Variants in UBAC2 observed in about 807,000 individuals in gnomAD.
UBAC2 encodes the protein ubiquitin-associated domain-containing protein 2.
Under a neutral mutation model 44.0 loss-of-function variants are expected in UBAC2, and 26 were observed. That is an observed-to-expected ratio of 0.59 (90% CI 0.43 to 0.82). UBAC2 has a LOEUF of 0.82. Ranked by LOEUF, UBAC2 falls within the 40% of genes least tolerant of loss-of-function variation. UBAC2 has a pLI of 0.00. For missense variants in UBAC2, 329 were observed against 419.4 expected (o/e 0.78, Z 1.88); for synonymous variants, 155 against 154.3 (o/e 1.00, Z -0.04).
At chr13:99,209,833 C>T (rs1436435925) in intron 1 of UBAC2, among the ~76,000 whole-genome samples, 5 of 152,174 alleles carry the variant, frequency 3.3e-5, no homozygotes, top group Middle Eastern at 3.4e-3. Context: ...ATTAACTGGG[C>T]GTGGTGGTTG....
chr13:99,366,487 C>T (rs1301106292), intron 7 of UBAC2, among the ~76,000 whole-genome samples: 1 of 152,140 alleles, frequency 6.6e-6, no homozygotes, highest in Non-Finnish European at 1.5e-5. Context: ...CTTTATGTAA[C>T]TTTTTTGATG....
chr13:99,339,481 A>G (rs2044851356), intron 6 of UBAC2, among the ~76,000 whole-genome samples: 1 of 152,182 alleles, frequency 6.6e-6, no homozygotes, highest in Non-Finnish European at 1.5e-5. Context: ...AAGTTCCCAG[A>G]ACAGTGCCTG....
intron 8 of UBAC2, among the ~76,000 whole-genome samples, chr13:99,384,078 A>G (rs1242302823): frequency 6.6e-6 from 1 of 152,134 alleles, no homozygotes. Context: ...ACCCCATGCC[A>G]TAGTCCCCAT....
intron 1 of UBAC2, among the ~76,000 whole-genome samples, chr13:99,220,775 T>C (rs935928133): frequency 6.6e-5 from 10 of 152,118 alleles, no homozygotes; most frequent in African/African-American, 2.4e-4. Flanking sequence ...CGAAGATTAC[T>C]AGTGACTTGC....
chr13:99,354,506 G>A (rs549559632), intron 7 of UBAC2, among the ~76,000 whole-genome samples: 1 of 152,322 alleles, frequency 6.6e-6, no homozygotes, highest in East Asian at 1.9e-4. Context: ...TGGAAGTTCA[G>A]CAGAGCAGGG....
intron 6 of UBAC2, among the ~76,000 whole-genome samples, chr13:99,339,073 A>G (rs1203983177): frequency 6.6e-6 from 1 of 151,706 alleles, no homozygotes; most frequent in Non-Finnish European, 1.5e-5. Flanking sequence ...ATATCCAGTG[A>G]CTCTGAAATC....
intron 7 of UBAC2, among the ~76,000 whole-genome samples, chr13:99,366,370 C>G (rs1484514194): frequency 6.6e-6 from 1 of 152,180 alleles, no homozygotes; most frequent in Admixed American, 6.5e-5. Context: ...CCCACTGGAG[C>G]TTTAACTATA....
Position 99,200,955 on chromosome 13 carries a change from C to A in UBAC2, c.31+16C>A. 7.7e-7 allele frequency: 1 copy of A among 1,306,204 alleles called. No homozygotes were observed. The highest frequency in any genetic ancestry group is 3.0e-5 in the South Asian group (1 of 32,802). 80.9% of individuals were successfully genotyped at this position (1,306,204 alleles called of 1,614,324 possible). A position where few individuals can be genotyped will look rare whatever the true frequency, so the allele number is the denominator to read the frequency against. ...AGTGGGCTCTGTGAGTACCGGCCTCCGCCATCCTGGCTGCCCCCTACACGC... is the reference window on the plus strand; with the variant it reads ...AGTGGGCTCTGTGAGTACCGGCCTCAGCCATCCTGGCTGCCCCCTACACGC... On this transcript the variant is annotated intron_variant, in intron 1 of 8. Coordinates refer to ENST00000403766, the MANE Select transcript of UBAC2 (RefSeq NM_001144072.2).
intron 1 of UBAC2, among the ~76,000 whole-genome samples, chr13:99,207,171 T>TG (rs1349597747): frequency 1.3e-5 from 2 of 152,212 alleles, no homozygotes; most frequent in Non-Finnish European, 2.9e-5. Flanking sequence ...TGCGTTGACC[T>TG]GGGGGTTGCA....
chr13:99,242,432 A>T (rs1236414087), intron 2 of UBAC2, among the ~76,000 whole-genome samples: 7 of 137,184 alleles, frequency 5.1e-5, no homozygotes, highest in African/African-American at 1.9e-4. Flanking sequence ...CACCTCCCAG[A>T]CGGGGCGGCT....
At chr13:99,212,848 C>T (rs2042949850) in intron 1 of UBAC2, among the ~76,000 whole-genome samples, 1 of 152,220 alleles carries the variant, frequency 6.6e-6, no homozygotes, top group African/African-American at 2.4e-5. Context: ...AATGAATTCA[C>T]TCCATGTCAT....
chr13:99,341,354 G>A (rs2044883400), intron 7 of UBAC2, among the ~76,000 whole-genome samples: 2 of 147,700 alleles, frequency 1.4e-5, no homozygotes, highest in Non-Finnish European at 3.0e-5. Flanking sequence ...ATGGTTTGGA[G>A]AAGTGAAATC....
intron 4 of UBAC2, among the ~76,000 whole-genome samples, chr13:99,282,947 G>GTGCTTTTT (rs2043973365): frequency 1.3e-5 from 2 of 152,104 alleles, no homozygotes; most frequent in African/African-American, 4.8e-5. Context: ...TTTGTTATCT[G>GTGCTTTTT]AACTAAAGGA....
At chr13:99,268,882 C>T (rs2043780664) in intron 4 of UBAC2, among the ~76,000 whole-genome samples, 1 of 151,948 alleles carries the variant, frequency 6.6e-6, no homozygotes, top group South Asian at 2.1e-4. Flanking sequence ...ATGGGAGAAA[C>T]AGGTGGAGAA....
chr13:99,295,363 A>G lies in UBAC2; in HGVS notation c.390-18734A>G. On this transcript the variant is annotated intron_variant, in intron 4 of 8. Transcript: ENST00000403766. This position sits in a 1 kb window ranked among gnomAD's most constrained non-coding sequence, Gnocchi z 4.1. ...TAATCATATGTTGAATAATTGCAAC[A>G]TGGTAAGGTGTGAAACAGAGAACAA... is the stretch of plus-strand genomic sequence containing the variant. 5 of 1,614,136 alleles carry G rather than the reference A, an allele frequency of 3.1e-6. No individual in the cohort carries two copies. Among genetic ancestry groups the G allele is most frequent in the Non-Finnish European group, 4.2e-6 (5 of 1,179,990 alleles).
chr13:99,209,280 C>A (rs1008931482), intron 1 of UBAC2, among the ~76,000 whole-genome samples: 4 of 152,220 alleles, frequency 2.6e-5, no homozygotes, highest in Non-Finnish European at 1.5e-5. Flanking sequence ...CCCCCTCCTC[C>A]TGTCCTGTCT....
intron 4 of UBAC2, among the ~76,000 whole-genome samples, chr13:99,251,450 C>T (rs2043457018): frequency 6.6e-6 from 1 of 152,306 alleles, no homozygotes; most frequent in South Asian, 2.1e-4. Flanking sequence ...ATCCCTTCTT[C>T]TCTACTTCTA....
chr13:99,370,165 GT>G (rs1370693643), intron 8 of UBAC2, among the ~76,000 whole-genome samples: 1 of 152,228 alleles, frequency 6.6e-6, no homozygotes, highest in African/African-American at 2.4e-5. Flanking sequence ...GAATATTCTT[GT>G]TCTTAGAAAA....
intron 5 of UBAC2, 54 bp downstream of exon 5, chr13:99,314,274 T>TA: frequency 6.5e-7 from 1 of 1,537,298 alleles, no homozygotes; most frequent in Non-Finnish European, 8.7e-7. Context: ...TTTTTTTTTT[T>TA]TTTTTTGGTC....
Sources: gnomAD v4.1 joint callset for allele counts (sites outside exome capture counted in the v4.1 genomes callset) on GRCh38, gnomAD v4.1.1 for gene constraint, Gnocchi (gnomAD v3.1) non-coding constraint, MANE v1.5 for transcripts, NCBI Gene and HGNC (gene_info 2026-07-23, HGNC 2026-07-21) for gene names.